The following FREM1 variants were observed in gnomAD, a reference collection of about 807,000 sequenced individuals.
FREM1 encodes FRAS1 related extracellular matrix 1.
FREM1 carries 220 observed loss-of-function variants against 210.1 expected under a neutral mutation model. The ratio of observed to expected loss-of-function variants is 1.05; its 90% confidence interval spans 0.94 to 1.17. FREM1 has a LOEUF of 1.17. Among genes scored for constraint, FREM1 ranks in the 50% most tolerant of loss-of-function variants. The probability of loss-of-function intolerance (pLI) is 0.00; values close to 1 mark genes in which losing one functional copy is unlikely to be tolerated. For missense variants in FREM1, 3,454 were observed against 2,675.5 expected (o/e 1.29, Z -6.42); for synonymous variants, 1,189 against 980.2 (o/e 1.21, Z -3.98).
At position 14,863,214 on chromosome 9, in the gene FREM1, G is replaced by A. The variant is rs548366684; in HGVS notation, c.329+595C>T. 1.1e-4 allele frequency among the ~76,000 whole-genome samples: 16 copies of A among 151,642 alleles called. No individual in the cohort carries two copies. The East Asian group carries it at 1.4e-3, about 13-fold the overall frequency. On this transcript the variant is annotated intron_variant, in intron 3 of 36. Transcript: ENST00000380880. ...AAATTAGCCGGGCGTAGTGGTGGGC[G>A]CCTGTAGTCCCAGCTACTCAGGAGG...
intron 24 of FREM1, among the ~76,000 whole-genome samples, chr9:14,777,800 T>C (rs911805948): frequency 3.9e-5 from 6 of 152,112 alleles, no homozygotes; most frequent in Non-Finnish European, 8.8e-5. Context: ...CTGAAGCTAT[T>C]AGATAGTGTG....
intron 11 of FREM1, 85 bp downstream of exon 11, chr9:14,824,711 C>T (rs199726274): frequency 1.9e-4 from 159 of 816,118 alleles, no homozygotes; most frequent in Non-Finnish European, 2.8e-4. Flanking sequence ...AACCACAGTA[C>T]TATATATATA....
intron 1 of FREM1, among the ~76,000 whole-genome samples, chr9:14,877,294 A>G (rs976261582): frequency 6.6e-5 from 10 of 151,968 alleles, no homozygotes; most frequent in Non-Finnish European, 1.0e-4. Context: ...GGTGGTGTAT[A>G]AAAGACATCT....
intron 27 of FREM1, among the ~76,000 whole-genome samples, chr9:14,764,081 G>A (rs1845982198): frequency 6.6e-6 from 1 of 152,122 alleles, no homozygotes; most frequent in Non-Finnish European, 1.5e-5. Context: ...CATGGGGGTG[G>A]TTTCCACCAT....
chr9:14,774,231 C>T (rs946141960), intron 25 of FREM1: 1 of 504,564 alleles, frequency 2.0e-6, no homozygotes, highest in Non-Finnish European at 3.9e-6. Flanking sequence ...GTCAACTTTG[C>T]AGGGTGTGTA....
At chr9:14,750,424 G>C in intron 29 of FREM1, 148 bp from the exon 30 acceptor site, 1 of 585,238 alleles carries the variant, frequency 1.7e-6, no homozygotes, top group South Asian at 2.5e-5. Context: ...AAGTCCTGCT[G>C]TTCTCCCAAA....
chr9:14,765,995 C>T (rs1041224222), intron 27 of FREM1, among the ~76,000 whole-genome samples: 17 of 152,120 alleles, frequency 1.1e-4, no homozygotes, highest in African/African-American at 3.4e-4. Flanking sequence ...GGGGCTTCTG[C>T]GGATCATCTT....
chr9:14,822,780 A>G (rs1821619895), intron 13 of FREM1, among the ~76,000 whole-genome samples: 1 of 152,236 alleles, frequency 6.6e-6, no homozygotes, highest in Non-Finnish European at 1.5e-5. Flanking sequence ...TCTTTAGATT[A>G]CAGAGCAGCA....
intron 35 of FREM1, among the ~76,000 whole-genome samples, chr9:14,744,072 T>C (rs1476401598): frequency 6.6e-6 from 1 of 152,118 alleles, no homozygotes; most frequent in Non-Finnish European, 1.5e-5. Context: ...AAAATTTTAA[T>C]ATTTTATCTT....
chr9:14,741,980 G>A (rs1201204214), intron 35 of FREM1, among the ~76,000 whole-genome samples: 1 of 152,126 alleles, frequency 6.6e-6, no homozygotes, highest in Non-Finnish European at 1.5e-5. Context: ...AGAGTGAGAT[G>A]GGAAGATAGC....
intron 15 of FREM1, among the ~76,000 whole-genome samples, chr9:14,813,801 A>AGGGGTGTGTGTGCTG (rs1819823086): frequency 2.0e-5 from 3 of 152,244 alleles, no homozygotes; most frequent in Non-Finnish European, 2.9e-5. Context: ...GTTCACAGCC[A>AGGGGTGTGTGTGCTG]CAACTTGGTG....
At chr9:14,791,743 A>C (rs1366402491) in intron 22 of FREM1, among the ~76,000 whole-genome samples, 1 of 152,210 alleles carries the variant, frequency 6.6e-6, no homozygotes, top group South Asian at 2.1e-4. Flanking sequence ...CAAAGATGAG[A>C]ATTGGAAGGA....
chr9:14,901,530 A>G (rs1219866515), intron 1 of FREM1, among the ~76,000 whole-genome samples: 1 of 152,026 alleles, frequency 6.6e-6, no homozygotes, highest in Non-Finnish European at 1.5e-5. Flanking sequence ...ATAACAAAAA[A>G]TAAAAATCAA....
rs369546640 is a variant in FREM1 at position 14,740,116 on chromosome 9, C to G, written c.6340+33G>C. The G allele has an allele frequency of 5.6e-6, 8 of 1,435,136 alleles. No homozygotes were observed. The African/African-American group carries it at 8.5e-5, about 15-fold the overall frequency. The allele number at this position is 1,435,136 out of a possible 1,614,324, so 88.9% of individuals were successfully genotyped here. A position where few individuals can be genotyped will look rare whatever the true frequency, so the allele number is the denominator to read the frequency against. Reference sequence around the variant, plus strand: ...CTGTTTGTTTCATGTCCTTGCCTCCCTCCTCAGTGCAGCCTCCCTCCCAGA... The same window carrying G: ...CTGTTTGTTTCATGTCCTTGCCTCCGTCCTCAGTGCAGCCTCCCTCCCAGA... On this transcript the variant is annotated intron_variant, in intron 36 of 36. Transcript: ENST00000380880.
chr9:14,851,201 G>A (rs2131385694), intron 6 of FREM1, 83 bp downstream of exon 6: 1 of 982,182 alleles, frequency 1.0e-6, no homozygotes, highest in Non-Finnish European at 1.5e-6. Flanking sequence ...AATGTACAAA[G>A]GAACCTGAGG....
At chr9:14,773,825 T>C (rs1848040919) in intron 25 of FREM1, among the ~76,000 whole-genome samples, 1 of 152,106 alleles carries the variant, frequency 6.6e-6, no homozygotes, top group Admixed American at 6.5e-5. Context: ...ATCTGTGCTA[T>C]GGAGTGTAGG....
At chr9:14,819,021 T>C (rs1350856810) in intron 14 of FREM1, among the ~76,000 whole-genome samples, 2 of 152,204 alleles carry the variant, frequency 1.3e-5, no homozygotes, top group East Asian at 3.9e-4. Context: ...TAAAGTTATT[T>C]CCACTGGTAT....
intron 7 of FREM1, 138 bp downstream of exon 7, chr9:14,848,527 T>A (rs1827092193): frequency 2.4e-6 from 1 of 409,632 alleles, no homozygotes; most frequent in East Asian, 3.5e-5. Context: ...AAAGCTACTA[T>A]GTGATGCCCT....
chr9:14,799,867 T>A (rs547731908), intron 20 of FREM1, among the ~76,000 whole-genome samples: 1 of 151,878 alleles, frequency 6.6e-6, no homozygotes, highest in Non-Finnish European at 1.5e-5. Flanking sequence ...TACATATGTA[T>A]ACATGTGCCA....
Sources: allele counts gnomAD v4.1 joint callset (sites outside exome capture counted in the v4.1 genomes callset), GRCh38; gene constraint gnomAD v4.1.1; transcripts MANE v1.5; gene names NCBI Gene and HGNC (gene_info 2026-07-23, HGNC 2026-07-21).